The following TRDN variants were observed in gnomAD, a reference collection of about 807,000 sequenced individuals.
The protein encoded by TRDN is triadin.
TRDN carries 161 observed loss-of-function variants against 149.7 expected under a neutral mutation model. The ratio of observed to expected loss-of-function variants is 1.08; its 90% CI spans 0.95 to 1.23. The LOEUF is 1.23. TRDN is among the 50% of genes most tolerant of loss of function. The probability of loss-of-function intolerance (pLI) is 0.00; values close to 1 mark genes in which losing one functional copy is unlikely to be tolerated. For missense variants in TRDN, 896 were observed against 823.5 expected (o/e 1.09, Z -1.08); for synonymous variants, 294 against 250.5 (o/e 1.17, Z -1.64).
chr6:123,262,414 T>C (rs1776804905), intron 33 of TRDN, among the ~76,000 whole-genome samples: 1 of 151,904 alleles, frequency 6.6e-6, no homozygotes, highest in African/African-American at 2.4e-5. Flanking sequence ...TGTTTGTTTA[T>C]TTGCACAGGT....
chr6:123,343,469 T>C (rs567443996), intron 21 of TRDN, among the ~76,000 whole-genome samples: 1 of 151,998 alleles, frequency 6.6e-6, no homozygotes, highest in East Asian at 1.9e-4. Context: ...TGATATATAT[T>C]GAAAAATTGA....
At chr6:123,353,826 A>T (rs545743451) in intron 20 of TRDN, among the ~76,000 whole-genome samples, 57 of 151,908 alleles carry the variant, frequency 3.8e-4, no homozygotes, top group Non-Finnish European at 7.2e-4. Flanking sequence ...AGAGCAAACC[A>T]TGTGACTGTG....
intron 3 of TRDN, among the ~76,000 whole-genome samples, chr6:123,547,995 G>A (rs1781202450): frequency 6.6e-6 from 1 of 151,944 alleles, no homozygotes; most frequent in Non-Finnish European, 1.5e-5. Flanking sequence ...TCTTTTGATT[G>A]TACTTTTAGT....
chr6:123,502,678 C>T (rs1042113698), intron 8 of TRDN: 3 of 984,334 alleles, frequency 3.0e-6, no homozygotes, highest in African/African-American at 3.5e-5. Context: ...CTCCAAATAG[C>T]CTGCTCTGTA....
chr6:123,365,992 TGC>T, intron 20 of TRDN, 141 bp downstream of exon 20: 1 of 655,114 alleles, frequency 1.5e-6, no homozygotes, highest in South Asian at 2.2e-5. Flanking sequence ...TAAAATCTTG[TGC>T]AAAATAGGTT....
At chr6:123,338,893 T>G (rs922422895) in intron 21 of TRDN, among the ~76,000 whole-genome samples, 1 of 152,162 alleles carries the variant, frequency 6.6e-6, no homozygotes, top group East Asian at 1.9e-4. Flanking sequence ...ATTTTAAAAT[T>G]GGGGAAGGTT....
chr6:123,342,908 T>G (rs1292817124), intron 21 of TRDN, among the ~76,000 whole-genome samples: 1 of 152,050 alleles, frequency 6.6e-6, no homozygotes, highest in East Asian at 1.9e-4. Flanking sequence ...TAACACATAC[T>G]CGAAATTCCA....
At chr6:123,396,123 A>G (rs982669146) in intron 12 of TRDN, among the ~76,000 whole-genome samples, 1 of 152,196 alleles carries the variant, frequency 6.6e-6, no homozygotes, top group Non-Finnish European at 1.5e-5. Flanking sequence ...GAGTCCATAC[A>G]TGTACAACAC....
At chr6:123,454,507 T>C (rs1775985088) in intron 10 of TRDN, among the ~76,000 whole-genome samples, 1 of 152,186 alleles carries the variant, frequency 6.6e-6, no homozygotes, top group Non-Finnish European at 1.5e-5. Context: ...GGTAAAAGTC[T>C]ACACATCTTA....
intron 9 of TRDN, among the ~76,000 whole-genome samples, chr6:123,494,213 T>A (rs985345956): frequency 6.6e-6 from 1 of 152,164 alleles, no homozygotes; most frequent in Non-Finnish European, 1.5e-5. Flanking sequence ...CTCTATAATG[T>A]TGTAGGTCTG....
intron 2 of TRDN, among the ~76,000 whole-genome samples, chr6:123,562,215 T>G (rs1226627345): frequency 6.6e-6 from 1 of 152,146 alleles, no homozygotes; most frequent in Non-Finnish European, 1.5e-5. Context: ...ACCCGAATCT[T>G]ATAAAATGGC....
At chr6:123,271,238 A>C in intron 29 of TRDN, 52 bp from the exon 30 acceptor site, 1 of 1,225,228 alleles carries the variant, frequency 8.2e-7, no homozygotes. Flanking sequence ...TACATCAGTG[A>C]CATATTTCAA....
At chr6:123,499,719 A>AAAAATATATATATATATATATATAT in intron 8 of TRDN, among the ~76,000 whole-genome samples, 1 of 47,678 alleles carries the variant, frequency 2.1e-5, no homozygotes, top group African/African-American at 7.2e-5. Flanking sequence ...AAAAAAAAAA[A>AAAAATATATATATATATATATATAT]ATATATATAT....
chr6:123,390,580 C>A (rs1274925359), intron 13 of TRDN, among the ~76,000 whole-genome samples: 1 of 152,106 alleles, frequency 6.6e-6, no homozygotes, highest in African/African-American at 2.4e-5. Flanking sequence ...TTATTGCCAA[C>A]TGGAAAGCCA....
intron 38 of TRDN, among the ~76,000 whole-genome samples, chr6:123,234,690 C>T (rs1775723736): frequency 6.6e-6 from 1 of 152,052 alleles, no homozygotes; most frequent in South Asian, 2.1e-4. Flanking sequence ...ACTGAATACA[C>T]TAAAGTGCTC....
In TRDN at chr6:123,393,678, C is replaced by T; in HGVS notation, c.1052-1G>A. 6.2e-7 allele frequency: 1 copy of T among 1,602,956 alleles called. No homozygotes were observed. The highest frequency in any genetic ancestry group is 8.5e-7 in the Non-Finnish European group (1 of 1,173,886). ...TTGGTTTCAGAAGCTTTTCCCGGCT[C>T]TTGGAATGAAAAAAACATAAATTAC... On this transcript the variant is annotated splice_acceptor_variant, in intron 12 of 40. Transcript: ENST00000334268. LOFTEE classifies it high-confidence loss of function.
At position 123,316,492 on chromosome 6, in the gene TRDN, G is replaced by A. The variant is rs1431462819; in HGVS notation, c.1475C>T (p.Pro492Leu). The change falls in exon 24 of 41, where the codon CCT becomes CTT. Residue 492 changes from proline (P) to leucine (L), a missense_variant. Pro to Leu is a moderately conservative substitution (Grantham distance 98). Transcript: ENST00000334268. ...KVPASLKEKEPETKKDEKMSK... is the reference protein window; with the variant it reads ...KVPASLKEKELETKKDEKMSK... ...CATCTTTTCATCTTTTTTAGTTTCA[G>A]GTTCTGGGGCAAAACGTACACATAA... 6.2e-6 allele frequency: 10 copies of A among 1,609,826 alleles called. No individual in the cohort carries two copies. Among genetic ancestry groups the A allele is most frequent in the Non-Finnish European group, 8.5e-6 (10 of 1,177,506 alleles).
intron 16 of TRDN, among the ~76,000 whole-genome samples, chr6:123,379,748 T>C (rs1781643871): frequency 6.6e-6 from 1 of 152,214 alleles, no homozygotes; most frequent in Non-Finnish European, 1.5e-5. Flanking sequence ...CCTTTAACTC[T>C]ACAGGGACTG....
chr6:123,464,231 G>A (rs1340338547), intron 10 of TRDN: 1 of 973,844 alleles, frequency 1.0e-6, no homozygotes, highest in Non-Finnish European at 1.2e-6. Context: ...AGAAATGAAT[G>A]AAGACTTAAA....
Sources: allele counts gnomAD v4.1 joint callset (sites outside exome capture counted in the v4.1 genomes callset), GRCh38; gene constraint gnomAD v4.1.1; transcripts MANE v1.5; gene names NCBI Gene and HGNC (gene_info 2026-07-23, HGNC 2026-07-21).